Variants in CSMD1 observed in about 807,000 individuals in gnomAD.
CSMD1 encodes the protein CUB and Sushi multiple domains 1.
Under a neutral mutation model 417.5 loss-of-function variants are expected in CSMD1, and 213 were observed. That is an observed-to-expected ratio of 0.51 (90% CI 0.46 to 0.57). The LOEUF (loss-of-function observed/expected upper bound fraction) is 0.57, where lower values mean the gene tolerates loss of function less well. Ranked by LOEUF, CSMD1 falls within the 20% of genes least tolerant of loss-of-function variation. The pLI, the probability that CSMD1 is intolerant of heterozygous loss-of-function variation, is 0.00. For synonymous variants in CSMD1, 2,862 were observed against 1,736.8 expected, an observed-to-expected ratio of 1.65 and a Z score of -16.11; for missense variants, 6,923 against 4,529.7, an observed-to-expected ratio of 1.53 and a Z score of -15.17.
chr8:3,230,329 G>A, intron 26 of CSMD1, 98 bp from the exon 27 acceptor site: 2 of 902,060 alleles, frequency 2.2e-6, no homozygotes, highest in Non-Finnish European at 3.2e-6. Context: ...ACTCTTCATT[G>A]GCCTAATAAG....
At chr8:3,072,174 T>C (rs1179373705) in intron 49 of CSMD1, among the ~76,000 whole-genome samples, 1 of 152,236 alleles carries the variant, frequency 6.6e-6, no homozygotes, top group Admixed American at 6.5e-5. Flanking sequence ...CCGGAGTCTA[T>C]GTCTGCACAG....
Position 2,965,893 on chromosome 8 carries a change from G to C in CSMD1, c.9162C>G (p.Thr3054=), listed in dbSNP as rs773425697. ...ANGIQFGTDF[T]FNKTVSYQCN... ...ACTGATAGCTCACAGTCTTGTTGAA[G>C]GTGAAGTCGGTCCCAAACTGGATGC... Residue 3054 remains threonine, a synonymous_variant, in exon 59 of 70, where the codon ACC becomes ACG. Coordinates refer to ENST00000635120, the MANE Select transcript of CSMD1 (RefSeq NM_033225.6). 5 of 1,610,338 alleles carry C rather than the reference G, an allele frequency of 3.1e-6. No homozygotes were observed. The East Asian group carries it at 1.1e-4, about 36-fold the overall frequency.
chr8:3,543,472 G>A (rs1021720841), intron 10 of CSMD1, among the ~76,000 whole-genome samples: 1 of 152,174 alleles, frequency 6.6e-6, no homozygotes, highest in African/African-American at 2.4e-5. Context: ...ATCTAGGCAA[G>A]CAGTGATGAT....
intron 46 of CSMD1, 25 bp from the exon 47 acceptor site, chr8:3,097,062 G>C (rs1389410919): frequency 4.0e-6 from 6 of 1,488,442 alleles, no homozygotes; most frequent in Non-Finnish European, 5.4e-6. Context: ...ACCAGCAAAA[G>C]TTTGCTTTAA....
At chr8:4,385,465 A>G (rs1204233819) in intron 3 of CSMD1, among the ~76,000 whole-genome samples, 1 of 152,184 alleles carries the variant, frequency 6.6e-6, no homozygotes, top group Non-Finnish European at 1.5e-5. Flanking sequence ...TTTATTTTTA[A>G]ATTCATATTT....
intron 11 of CSMD1, among the ~76,000 whole-genome samples, chr8:3,479,306 G>C (rs1048890077): frequency 1.9e-4 from 29 of 152,030 alleles, no homozygotes; most frequent in Admixed American, 7.9e-4. Flanking sequence ...TTTAGACTAA[G>C]TTTCACTCTT....
chr8:4,260,967 G>C (rs899233904), intron 3 of CSMD1, among the ~76,000 whole-genome samples: 2 of 152,018 alleles, frequency 1.3e-5, no homozygotes, highest in African/African-American at 4.8e-5. Flanking sequence ...TACTCTCATT[G>C]ACTTGCCTCT....
intron 5 of CSMD1, among the ~76,000 whole-genome samples, chr8:3,982,338 T>C (rs1006287526): frequency 2.0e-5 from 3 of 151,784 alleles, no homozygotes; most frequent in African/African-American, 7.3e-5. Flanking sequence ...GCCTCAATAT[T>C]CTCACCTGCA....
chr8:3,874,056 C>A (rs888895996), intron 5 of CSMD1, among the ~76,000 whole-genome samples: 5 of 152,198 alleles, frequency 3.3e-5, no homozygotes, highest in African/African-American at 1.2e-4. Flanking sequence ...CCACTTCCCT[C>A]CCCTCAAATT....
chr8:3,924,955 T>C (rs1294431314), intron 5 of CSMD1, among the ~76,000 whole-genome samples: 1 of 152,220 alleles, frequency 6.6e-6, no homozygotes, highest in Admixed American at 6.5e-5. Context: ...AAGTTCTGCA[T>C]TGCTTTCTTA....
chr8:3,850,254 G>C (rs976181045), intron 5 of CSMD1, among the ~76,000 whole-genome samples: 1 of 152,198 alleles, frequency 6.6e-6, no homozygotes. Flanking sequence ...CAATAGGTAA[G>C]TCCAAAGATA....
At chr8:3,369,652 G>T (rs748959951) in intron 18 of CSMD1, among the ~76,000 whole-genome samples, 9 of 152,266 alleles carry the variant, frequency 5.9e-5, no homozygotes, top group Non-Finnish European at 7.3e-5. Context: ...TTGCAGACAT[G>T]GTACAGGTTT....
chr8:3,080,161 G>A (rs981335228), intron 49 of CSMD1, among the ~76,000 whole-genome samples: 2 of 152,336 alleles, frequency 1.3e-5, no homozygotes, highest in Non-Finnish European at 2.9e-5. Flanking sequence ...GTAAATAGCT[G>A]CCTGGGAGTT....
chr8:3,325,807 G>C (rs1806491033), intron 23 of CSMD1, among the ~76,000 whole-genome samples: 1 of 152,194 alleles, frequency 6.6e-6, no homozygotes, highest in African/African-American at 2.4e-5. Context: ...CTGGGCGACA[G>C]AGTGAGGCTC....
At position 3,584,871 on chromosome 8, in the gene CSMD1, G is replaced by C. The variant is rs115791969; in HGVS notation, c.1222+1265C>G. On this transcript the variant is annotated intron_variant, in intron 9 of 69. Coordinates refer to ENST00000635120, the MANE Select transcript of CSMD1 (RefSeq NM_033225.6). ...GGAGGCTTGTGCATCACCAGCCCTA[G>C]TGGGAACATGAATTTTAGTACAGCT... Among the ~76,000 whole-genome samples the C allele has an allele frequency of 8.8e-3, 1,345 of 152,256 alleles. 24 individuals carry two copies. Among genetic ancestry groups the C allele is most frequent in the African/African-American group, 0.03 (1,228 of 41,528 alleles).
intron 1 of CSMD1, among the ~76,000 whole-genome samples, chr8:4,868,425 G>A (rs998924218): frequency 6.6e-6 from 1 of 151,868 alleles, no homozygotes; most frequent in African/African-American, 2.4e-5. Flanking sequence ...AGTAGAGACC[G>A]GGGTTTTGCC....
intron 3 of CSMD1, among the ~76,000 whole-genome samples, chr8:4,231,911 C>A (rs1485407417): frequency 7.2e-6 from 1 of 139,118 alleles, no homozygotes; most frequent in Non-Finnish European, 1.5e-5. Flanking sequence ...ATTTCTGAAT[C>A]TCATACATAA....
chr8:4,738,847 G>T (rs975815099), intron 1 of CSMD1, among the ~76,000 whole-genome samples: 1 of 151,510 alleles, frequency 6.6e-6, no homozygotes, highest in Admixed American at 6.6e-5. Flanking sequence ...AAAATACACA[G>T]GTTGCTTATT....
At chr8:4,178,499 C>G (rs1166984060) in intron 3 of CSMD1, among the ~76,000 whole-genome samples, 1 of 151,100 alleles carries the variant, frequency 6.6e-6, no homozygotes, top group Non-Finnish European at 1.5e-5. Context: ...AAACTGGAAG[C>G]ATTCCCTTTG....
Sources: allele counts gnomAD v4.1 joint callset (sites outside exome capture counted in the v4.1 genomes callset), GRCh38; gene constraint gnomAD v4.1.1; transcripts MANE v1.5; gene names NCBI Gene and HGNC (gene_info 2026-07-23, HGNC 2026-07-21).